The following CHCHD3 variants were observed in gnomAD, a reference collection of about 807,000 sequenced individuals.
CHCHD3 encodes the protein coiled-coil-helix-coiled-coil-helix domain containing 3, also known as MICOS complex subunit MIC19.
In CHCHD3, 20 loss-of-function variants were observed where a neutral mutation model predicts 38.2. That is an observed-to-expected ratio of 0.52 (90% confidence interval 0.37 to 0.76). CHCHD3 has a LOEUF of 0.76. Ranked by LOEUF, CHCHD3 falls within the 30% of genes least tolerant of loss-of-function variation. The pLI, the probability that CHCHD3 is intolerant of heterozygous loss-of-function variation, is 0.00. For missense variants in CHCHD3, 245 were observed against 279.2 expected (o/e 0.88, Z 0.87); for synonymous variants, 82 against 100.0 (o/e 0.82, Z 1.07).
At chr7:132,930,193 G>A (rs1402479509) in intron 4 of CHCHD3, among the ~76,000 whole-genome samples, 1 of 145,468 alleles carries the variant, frequency 6.9e-6, no homozygotes, top group Non-Finnish European at 1.5e-5. Context: ...TGAGACAGGA[G>A]TCTCGTTCTG....
At chr7:132,790,462 T>C (rs947735887) in intron 7 of CHCHD3, among the ~76,000 whole-genome samples, 6 of 152,178 alleles carry the variant, frequency 3.9e-5, no homozygotes, top group African/African-American at 1.4e-4. Context: ...AGGATTCCTA[T>C]GATGGAAGAG....
rs186840878 is a variant in CHCHD3, at chr7:132,996,786, T to C, written c.252-21500A>G. On this transcript the variant is annotated intron_variant, in intron 3 of 7. Coordinates refer to ENST00000262570, the MANE Select transcript of CHCHD3 (RefSeq NM_017812.4). ...CTCACCAGGCTTTCGAAACGGACCA[T>C]TTACTACAGAGCAGCCTTTCAAGAA... Among the ~76,000 whole-genome samples the C allele has an allele frequency of 2.3e-3, 350 of 152,232 alleles. 3 individuals carry two copies. Among genetic ancestry groups the C allele is most frequent in the African/African-American group, 8.0e-3 (333 of 41,526 alleles).
At chr7:133,050,420 C>T (rs1814127605) in intron 2 of CHCHD3, among the ~76,000 whole-genome samples, 1 of 128,890 alleles carries the variant, frequency 7.8e-6, no homozygotes, top group African/African-American at 2.9e-5. Flanking sequence ...CCAGGATAGA[C>T]AGTAGAGCAC....
chr7:132,988,209 C>G (rs1263394214), intron 3 of CHCHD3, among the ~76,000 whole-genome samples: 1 of 151,558 alleles, frequency 6.6e-6, no homozygotes, highest in Non-Finnish European at 1.5e-5. Flanking sequence ...TCAAATTTAC[C>G]CAAAATAAAA....
intron 4 of CHCHD3, among the ~76,000 whole-genome samples, chr7:132,912,630 C>T (rs1809980016): frequency 6.6e-6 from 1 of 152,194 alleles, no homozygotes; most frequent in Non-Finnish European, 1.5e-5. Flanking sequence ...TCTCGGCCCA[C>T]TGCAATGTCT....
chr7:132,902,590 T>C (rs914142750), intron 4 of CHCHD3, among the ~76,000 whole-genome samples: 1 of 152,078 alleles, frequency 6.6e-6, no homozygotes, highest in African/African-American at 2.4e-5. Flanking sequence ...ACACCACATG[T>C]TCTCACTCAT....
At chr7:132,978,519 G>T (rs1350688904) in intron 3 of CHCHD3, among the ~76,000 whole-genome samples, 1 of 152,054 alleles carries the variant, frequency 6.6e-6, no homozygotes. Context: ...AGTTGTTGAT[G>T]TATGCATGTG....
At chr7:133,069,563 A>G (rs147484416) in intron 2 of CHCHD3, among the ~76,000 whole-genome samples, 2,510 of 152,322 alleles carry the variant, frequency 0.016, 42 homozygotes, top group Non-Finnish European at 0.021. Flanking sequence ...CTGGATAAAC[A>G]GATGAGTGTG....
intron 3 of CHCHD3, among the ~76,000 whole-genome samples, chr7:133,010,831 G>A (rs540001960): frequency 7.6e-4 from 116 of 152,088 alleles, no homozygotes; most frequent in Middle Eastern, 3.4e-3. Flanking sequence ...CGCCCGCCTC[G>A]GCCTCCCAAA....
At chr7:132,792,501 GTTC>G (rs772866275) in intron 7 of CHCHD3, among the ~76,000 whole-genome samples, 3 of 152,184 alleles carry the variant, frequency 2.0e-5, no homozygotes, top group Non-Finnish European at 4.4e-5. Flanking sequence ...AAATGCAAGT[GTTC>G]TTCTTGAGTG....
intron 5 of CHCHD3, among the ~76,000 whole-genome samples, chr7:132,875,447 C>A (rs1013427652): frequency 6.6e-6 from 1 of 152,198 alleles, no homozygotes; most frequent in Non-Finnish European, 1.5e-5. Context: ...CTACTTGAGG[C>A]AACCAATGTA....
At chr7:133,058,689 T>C (rs539234268) in intron 2 of CHCHD3, among the ~76,000 whole-genome samples, 39 of 152,318 alleles carry the variant, frequency 2.6e-4, no homozygotes, top group Non-Finnish European at 4.9e-4. Flanking sequence ...TTTAAAGTCA[T>C]GAGATGACCA....
chr7:132,805,269 T>G (rs1373439046), intron 6 of CHCHD3, among the ~76,000 whole-genome samples: 1 of 151,532 alleles, frequency 6.6e-6, no homozygotes, highest in Non-Finnish European at 1.5e-5. Flanking sequence ...ACAGGCAGTA[T>G]ACACTACAGC....
chr7:132,819,214 T>C (rs1057247589), intron 6 of CHCHD3, among the ~76,000 whole-genome samples: 2 of 152,200 alleles, frequency 1.3e-5, no homozygotes, highest in African/African-American at 2.4e-5. Context: ...ACCTTGGCAA[T>C]GGGCCCTTCA....
In CHCHD3 at chr7:132,889,249, A is replaced by C. The variant is rs569415732; in HGVS notation, c.370-3504T>G. Among the ~76,000 whole-genome samples, 73 of 152,174 alleles carry C rather than the reference A, an allele frequency of 4.8e-4. No individual in the cohort carries two copies. In the South Asian group the frequency reaches 0.014, roughly 29 times the overall value. On this transcript the variant is annotated intron_variant, in intron 4 of 7. Transcript: ENST00000262570. ...CAGCACCTGGTTTTCTCCCCCATTC[A>C]ATGTATGGCATTATCTACCCTGGCT... is the stretch of plus-strand genomic sequence containing the variant.
intron 1 of CHCHD3, among the ~76,000 whole-genome samples, chr7:133,074,645 C>A (rs904668567): frequency 1.3e-5 from 2 of 152,110 alleles, no homozygotes; most frequent in Admixed American, 6.5e-5. Context: ...CCCCTTCAAT[C>A]CCATGCATGT....
At chr7:132,937,964 C>A (rs1019429777) in intron 4 of CHCHD3, among the ~76,000 whole-genome samples, 1 of 152,098 alleles carries the variant, frequency 6.6e-6, no homozygotes, top group Non-Finnish European at 1.5e-5. Flanking sequence ...TACAAACATA[C>A]AGCCATTAAG....
At chr7:132,871,288 T>C (rs1033121991) in intron 5 of CHCHD3, among the ~76,000 whole-genome samples, 4 of 152,182 alleles carry the variant, frequency 2.6e-5, no homozygotes, top group African/African-American at 9.6e-5. Flanking sequence ...AAATGATACA[T>C]AATATAATTT....
chr7:132,863,007 T>C (rs1449978189), intron 5 of CHCHD3, among the ~76,000 whole-genome samples: 4 of 152,178 alleles, frequency 2.6e-5, no homozygotes, highest in Non-Finnish European at 5.9e-5. Flanking sequence ...TTTCAAGCCA[T>C]CCATAATTGG....
Sources: allele counts gnomAD v4.1 joint callset (sites outside exome capture counted in the v4.1 genomes callset), GRCh38; gene constraint gnomAD v4.1.1; transcripts MANE v1.5; gene names NCBI Gene and HGNC (gene_info 2026-07-23, HGNC 2026-07-21).